LINGO2: variants seen among roughly 807,000 people sequenced by gnomAD.
LINGO2 encodes leucine-rich repeat and immunoglobulin-like domain-containing nogo receptor-interacting protein 2.
A neutral mutation model predicts 30.6 loss-of-function variants in LINGO2; 14 were observed. The observed-to-expected ratio is 0.46, with a 90% confidence interval of 0.30 to 0.72. The LOEUF (loss-of-function observed/expected upper bound fraction) is 0.72, where lower values mean the gene tolerates loss of function less well. Ranked by LOEUF, LINGO2 falls within the 30% of genes least tolerant of loss-of-function variation. The pLI, the probability that LINGO2 is intolerant of heterozygous loss-of-function variation, is 0.07. For synonymous variants in LINGO2, 317 were observed against 288.5 expected, an observed-to-expected ratio of 1.10 and a Z score of -1.00; for missense variants, 729 against 751.7, an observed-to-expected ratio of 0.97 and a Z score of 0.35.
At chr9:29,034,355 T>C in the LINGO2 span, among the ~76,000 whole-genome samples, 1 of 152,074 alleles carries the variant, frequency 6.6e-6, no homozygotes, top group African/African-American at 2.4e-5. Context: ...AATATTCAGG[T>C]ATATTTTAAC....
At chr9:28,895,629 C>T in the LINGO2 span, among the ~76,000 whole-genome samples, 4 of 151,978 alleles carry the variant, frequency 2.6e-5, no homozygotes, top group African/African-American at 9.7e-5. Context: ...ATTTCTGTGC[C>T]CTACTCGCAA....
chr9:28,193,992 A>AT (rs1383763296), intron 4 of LINGO2, among the ~76,000 whole-genome samples: 2 of 152,134 alleles, frequency 1.3e-5, no homozygotes, highest in African/African-American at 4.8e-5. Context: ...ATTGTATGGC[A>AT]TTTTTATGAC....
At chr9:28,732,382 C>T in the LINGO2 span, among the ~76,000 whole-genome samples, 1 of 151,354 alleles carries the variant, frequency 6.6e-6, no homozygotes, top group South Asian at 2.1e-4. Flanking sequence ...AAATCCAACA[C>T]TCTGAAAAGT....
At chr9:28,932,587 C>A in the LINGO2 span, among the ~76,000 whole-genome samples, 1 of 152,128 alleles carries the variant, frequency 6.6e-6, no homozygotes, top group Non-Finnish European at 1.5e-5. Context: ...TTAAGAACTT[C>A]GTGAGTTCTA....
intron 2 of LINGO2, among the ~76,000 whole-genome samples, chr9:28,398,520 C>T (rs754466097): frequency 6.6e-6 from 1 of 151,936 alleles, no homozygotes; most frequent in Non-Finnish European, 1.5e-5. Context: ...AATTTGTTAA[C>T]AGGGATTAAA....
At chr9:28,661,145 A>AATATATAT (rs372827051) in intron 1 of LINGO2, among the ~76,000 whole-genome samples, 74 of 150,162 alleles carry the variant, frequency 4.9e-4, no homozygotes, top group African/African-American at 1.7e-3. Context: ...GATGCAGAAA[A>AATATATAT]ATATATATAT....
intron 4 of LINGO2, among the ~76,000 whole-genome samples, chr9:28,161,876 C>G (rs1000686736): frequency 3.3e-5 from 5 of 151,990 alleles, no homozygotes; most frequent in African/African-American, 1.2e-4. Context: ...GTAAATAATT[C>G]TTTTATGTAA....
At chr9:28,029,616 A>G (rs1438323810) in intron 4 of LINGO2, among the ~76,000 whole-genome samples, 1 of 152,174 alleles carries the variant, frequency 6.6e-6, no homozygotes, top group Non-Finnish European at 1.5e-5. Context: ...TGTCGGATAT[A>G]AAAAGTGACC....
At chr9:28,430,652 G>C (rs1339061016) in intron 2 of LINGO2, among the ~76,000 whole-genome samples, 1 of 151,928 alleles carries the variant, frequency 6.6e-6, no homozygotes, top group Non-Finnish European at 1.5e-5. Context: ...TTAATGAATG[G>C]GTTGCTTACA....
intron 4 of LINGO2, among the ~76,000 whole-genome samples, chr9:28,142,102 G>A (rs1827688018): frequency 6.7e-6 from 1 of 149,458 alleles, no homozygotes; most frequent in Non-Finnish European, 1.5e-5. Context: ...CCTTTTCTGT[G>A]TACTTCATGA....
At chr9:28,340,160 A>C (rs1360507) in intron 3 of LINGO2, among the ~76,000 whole-genome samples, 82,217 of 152,074 alleles carry the variant, frequency 0.54, 22,421 homozygotes, top group Middle Eastern at 0.68. Context: ...TTCTGACACT[A>C]GTTCTGTGAC....
At chr9:29,050,305 G>A in the LINGO2 span, among the ~76,000 whole-genome samples, 3 of 150,850 alleles carry the variant, frequency 2.0e-5, no homozygotes, top group Admixed American at 6.6e-5. Flanking sequence ...GATTACAGGC[G>A]TAGCCACCAC....
the LINGO2 span, among the ~76,000 whole-genome samples, chr9:28,998,781 AGCC>A: frequency 6.6e-6 from 1 of 152,090 alleles, no homozygotes. Context: ...GATGCATCAT[AGCC>A]ACCTGCTTTT....
chr9:28,433,949 C>CTCTATATATATATATATA (rs1225323260), intron 2 of LINGO2, among the ~76,000 whole-genome samples: 57 of 88,518 alleles, frequency 6.4e-4, no homozygotes, highest in African/African-American at 2.5e-3. Flanking sequence ...CTCTCTCTCT[C>CTCTATATATATATATATA]TATATATATA....
At chr9:28,994,821 G>T in the LINGO2 span, among the ~76,000 whole-genome samples, 3 of 152,164 alleles carry the variant, frequency 2.0e-5, no homozygotes, top group African/African-American at 7.2e-5. Flanking sequence ...GCCATATGTA[G>T]AAAGCTGAAA....
intron 4 of LINGO2, among the ~76,000 whole-genome samples, chr9:28,189,481 GAGGAAGGAAGGAAGGGAGGA>G (rs1819698191): frequency 5.2e-5 from 1 of 19,398 alleles, no homozygotes; most frequent in Non-Finnish European, 1.0e-4. Context: ...GGAAGGGAGG[GAGGAAGGAAGGAAGGGAGGA>G]AGGAAGGAAG....
the LINGO2 span, among the ~76,000 whole-genome samples, chr9:28,962,047 A>C: frequency 6.6e-6 from 1 of 152,188 alleles, no homozygotes; most frequent in Non-Finnish European, 1.5e-5. Flanking sequence ...AAAACAAACA[A>C]ACAAACAAAA....
At chr9:28,338,285 C>A (rs555604523) in intron 3 of LINGO2, among the ~76,000 whole-genome samples, 3 of 152,294 alleles carry the variant, frequency 2.0e-5, no homozygotes, top group Non-Finnish European at 4.4e-5. Flanking sequence ...TGGCCAATTT[C>A]TCCCATTTGG....
chr9:28,077,637 A>G (rs1825664260), intron 4 of LINGO2, among the ~76,000 whole-genome samples: 4 of 135,662 alleles, frequency 2.9e-5, no homozygotes, highest in Admixed American at 2.8e-4. Context: ...CAAGTATGCT[A>G]TTTAATTACT....
Sources: allele counts gnomAD v4.1 joint callset (sites outside exome capture counted in the v4.1 genomes callset), GRCh38; gene constraint gnomAD v4.1.1; transcripts MANE v1.5; gene names NCBI Gene and HGNC (gene_info 2026-07-23, HGNC 2026-07-21).